Variants in PRKD1 observed in about 807,000 individuals in gnomAD.
PRKD1 encodes serine/threonine-protein kinase D1.
PRKD1 carries 63 observed loss-of-function variants against 95.9 expected under a neutral mutation model. The ratio of observed to expected loss-of-function variants is 0.66; its 90% CI spans 0.54 to 0.81. PRKD1 has a LOEUF of 0.81. PRKD1 is among the 30% of genes least tolerant of loss of function. The pLI is 0.00. For synonymous variants in PRKD1, 425 were observed against 423.1 expected, an observed-to-expected ratio of 1.00 and a Z score of -0.05; for missense variants, 1,048 against 1,165.3, an observed-to-expected ratio of 0.90 and a Z score of 1.47.
intron 4 of PRKD1, among the ~76,000 whole-genome samples, chr14:29,641,056 AG>A (rs45493301): frequency 0.028 from 4,273 of 152,304 alleles, 183 homozygotes; most frequent in African/African-American, 0.091. Context: ...ATTACCTTCA[AG>A]GGCAAGATTA....
chr14:29,598,962 G>T, intron 15 of PRKD1, 65 bp downstream of exon 15: 1 of 1,289,150 alleles, frequency 7.8e-7, no homozygotes, highest in Non-Finnish European at 1.1e-6. Flanking sequence ...AAGGTGACAA[G>T]ATGCTACATG....
chr14:29,589,295 T>C (rs1394693269), intron 16 of PRKD1, among the ~76,000 whole-genome samples: 1 of 152,236 alleles, frequency 6.6e-6, no homozygotes, highest in Non-Finnish European at 1.5e-5. Context: ...CTGAAGCAAA[T>C]TATATCTCAC....
intron 1 of PRKD1, among the ~76,000 whole-genome samples, chr14:29,777,697 A>G (rs1259463648): frequency 3.9e-5 from 6 of 152,162 alleles, no homozygotes; most frequent in Non-Finnish European, 5.9e-5. Flanking sequence ...TAATAATGGG[A>G]GACTTTACCA....
At chr14:29,677,654 C>T (rs377047163) in intron 2 of PRKD1, among the ~76,000 whole-genome samples, 1 of 152,206 alleles carries the variant, frequency 6.6e-6, no homozygotes, top group African/African-American at 2.4e-5. Context: ...CGGCTCACTG[C>T]AACCTCCGCT....
chr14:29,690,052 A>C, intron 2 of PRKD1, among the ~76,000 whole-genome samples: 1 of 152,212 alleles, frequency 6.6e-6, no homozygotes, highest in Non-Finnish European at 1.5e-5. Context: ...TCTATACAGC[A>C]AATCACCATG....
chr14:29,721,697 T>C (rs1885906017), intron 2 of PRKD1, among the ~76,000 whole-genome samples: 1 of 152,160 alleles, frequency 6.6e-6, no homozygotes, highest in Admixed American at 6.6e-5. Context: ...AATTTCCATG[T>C]TCAGTGTTTT....
rs568500640 is a variant in PRKD1 at position 29,685,967 on chromosome 14, C to T, written c.404-19759G>A. Among the ~76,000 whole-genome samples, 100 of 152,174 alleles carry T rather than the reference C, an allele frequency of 6.6e-4. No homozygotes were observed. In the Middle Eastern group the frequency reaches 0.01, roughly 16 times the overall value. On this transcript the variant is annotated intron_variant, in intron 2 of 17. Transcript: ENST00000331968. ...CTGATTTGGGGAAAATGTTTATTTC[C>T]ATTTTAAAGTCTTCAAAAACGCACA...
At chr14:29,656,609 T>G in intron 4 of PRKD1, 1 of 1,250,026 alleles carries the variant, frequency 8.0e-7, no homozygotes, top group Non-Finnish European at 1.1e-6. Context: ...TACTCAATAA[T>G]GTTTCATATA....
At chr14:29,619,265 T>C (rs1463852376) in intron 13 of PRKD1, among the ~76,000 whole-genome samples, 1 of 152,154 alleles carries the variant, frequency 6.6e-6, no homozygotes, top group Non-Finnish European at 1.5e-5. Flanking sequence ...TGGTGAGCTC[T>C]AGTTTTAATA....
chr14:29,745,234 C>T (rs1273302727), intron 1 of PRKD1, among the ~76,000 whole-genome samples: 1 of 152,138 alleles, frequency 6.6e-6, no homozygotes, highest in African/African-American at 2.4e-5. Context: ...GTCATCACCA[C>T]CTACACTTCT....
Position 29,920,587 on chromosome 14 carries a change from TACACACACAC to T in PRKD1, c.264+6652_264+6661del, listed in dbSNP as rs5807556. Reference sequence around the variant, plus strand: ...AGCTTATTCAATGATTCCAGTCTAATACACACACACACACACACACACACACACACACACA... The same window carrying T: ...AGCTTATTCAATGATTCCAGTCTAATACACACACACACACACACACACACA... On this transcript the variant is annotated intron_variant, in intron 1 of 17. Transcript: ENST00000331968. Among the ~76,000 whole-genome samples the T allele has an allele frequency of 2.9e-3, 403 of 141,380 alleles. 2 individuals carry two copies. Among genetic ancestry groups the T allele is most frequent in the African/African-American group, 9.9e-3 (379 of 38,356 alleles). The allele number at this position is 141,380 out of a possible 152,430, so 92.8% of individuals were successfully genotyped here. A position where few individuals can be genotyped will look rare whatever the true frequency, so the allele number is the denominator to read the frequency against.
chr14:29,733,028 T>C (rs1198862695), intron 1 of PRKD1, among the ~76,000 whole-genome samples: 1 of 151,268 alleles, frequency 6.6e-6, no homozygotes, highest in Admixed American at 6.6e-5. Context: ...TTAGGGGAGG[T>C]TCAGTTTGGA....
intron 16 of PRKD1, among the ~76,000 whole-genome samples, chr14:29,589,975 A>T (rs1357984561): frequency 6.6e-6 from 1 of 152,152 alleles, no homozygotes; most frequent in Non-Finnish European, 1.5e-5. Flanking sequence ...ATTGACCCTA[A>T]ACTAGTGCTG....
intron 1 of PRKD1, among the ~76,000 whole-genome samples, chr14:29,785,573 G>C (rs1220327097): frequency 6.7e-6 from 1 of 149,342 alleles, no homozygotes; most frequent in Non-Finnish European, 1.5e-5. Flanking sequence ...TTGACTGATT[G>C]TTCCGAATAA....
At chr14:29,736,020 C>A (rs1379289943) in intron 1 of PRKD1, among the ~76,000 whole-genome samples, 1 of 152,106 alleles carries the variant, frequency 6.6e-6, no homozygotes, top group Non-Finnish European at 1.5e-5. Flanking sequence ...AGGTAATCTG[C>A]AATATCAAAA....
chr14:29,777,274 A>T (rs1267753971), intron 1 of PRKD1, among the ~76,000 whole-genome samples: 2 of 152,210 alleles, frequency 1.3e-5, no homozygotes, highest in Non-Finnish European at 2.9e-5. Context: ...TAATGACAAG[A>T]TCAAATTCAC....
At chr14:29,602,842 T>C (rs909439231) in intron 13 of PRKD1, among the ~76,000 whole-genome samples, 12 of 152,182 alleles carry the variant, frequency 7.9e-5, no homozygotes, top group Non-Finnish European at 1.5e-4. Flanking sequence ...AATACATGTT[T>C]ATTTCCAGAA....
chr14:29,731,574 C>T (rs1366821960), intron 1 of PRKD1, among the ~76,000 whole-genome samples: 6 of 151,650 alleles, frequency 4.0e-5, no homozygotes, highest in Middle Eastern at 3.4e-3. Flanking sequence ...TCTCTTTTTC[C>T]TTTCAATTCT....
At chr14:29,699,103 C>T (rs1167611415) in intron 2 of PRKD1, among the ~76,000 whole-genome samples, 1 of 152,110 alleles carries the variant, frequency 6.6e-6, no homozygotes, top group Admixed American at 6.6e-5. Flanking sequence ...TGGGTACTTA[C>T]CATAGCGGAT....
Sources: allele counts gnomAD v4.1 joint callset (sites outside exome capture counted in the v4.1 genomes callset), GRCh38; gene constraint gnomAD v4.1.1; transcripts MANE v1.5; gene names NCBI Gene and HGNC (gene_info 2026-07-23, HGNC 2026-07-21).